The following COL14A1 variants were observed in gnomAD, a reference collection of about 807,000 sequenced individuals.
COL14A1 encodes collagen type XIV alpha 1 chain, also known as collagen alpha-1(XIV) chain.
A neutral mutation model predicts 230.3 loss-of-function variants in COL14A1; 136 were observed. That is an observed-to-expected ratio of 0.59 (90% CI 0.51 to 0.68). COL14A1 has a LOEUF of 0.68. Ranked by LOEUF, COL14A1 falls within the 30% of genes least tolerant of loss-of-function variation. COL14A1 has a pLI of 0.00. For synonymous variants in COL14A1, 792 were observed against 784.1 expected (o/e 1.01, Z -0.17); for missense variants, 1,976 against 2,215.8 (o/e 0.89, Z 2.17).
In COL14A1 at chr8:120,279,479, A is replaced by G. The variant is rs186926091; in HGVS notation, c.3482-456A>G. Among the ~76,000 whole-genome samples, 132 of 150,766 alleles carry G rather than the reference A, an allele frequency of 8.8e-4. 1 individual carries two copies. Among genetic ancestry groups the G allele is most frequent in the Admixed American group, 1.5e-3 (22 of 15,016 alleles). On this transcript the variant is annotated intron_variant, in intron 28 of 47. Transcript: ENST00000297848. Reference sequence around the variant, plus strand: ...ATAAGTTATGGCAAATAGTAGTTCTATTTACTTGCCAAGCATTGAATGGTG... The same window carrying G: ...ATAAGTTATGGCAAATAGTAGTTCTGTTTACTTGCCAAGCATTGAATGGTG...
At chr8:120,370,488 T>A in intron 47 of COL14A1, 1 of 1,509,094 alleles carries the variant, frequency 6.6e-7, no homozygotes, top group Non-Finnish European at 8.8e-7. Flanking sequence ...TCTGCTTCCC[T>A]GCTTCTTCTG....
chr8:120,152,829 G>A (rs1037389236), intron 2 of COL14A1, among the ~76,000 whole-genome samples: 1 of 152,172 alleles, frequency 6.6e-6, no homozygotes, highest in African/African-American at 2.4e-5. Flanking sequence ...GGTTACAGGA[G>A]GGAGCCACTG....
At chr8:120,316,050 G>T (rs1821218034) in intron 40 of COL14A1, 53 bp downstream of exon 40, 4 of 1,581,564 alleles carry the variant, frequency 2.5e-6, no homozygotes, top group African/African-American at 2.7e-5. Flanking sequence ...TTTTCACCAG[G>T]TCACTCTTAT....
chr8:120,326,634 G>A (rs1459892803), intron 40 of COL14A1, among the ~76,000 whole-genome samples: 1 of 152,130 alleles, frequency 6.6e-6, no homozygotes, highest in African/African-American at 2.4e-5. Context: ...TTTTTGAAAT[G>A]GTGTTAAGGC....
At chr8:120,326,043 T>A (rs1450667171) in intron 40 of COL14A1, among the ~76,000 whole-genome samples, 1 of 152,210 alleles carries the variant, frequency 6.6e-6, no homozygotes, top group Non-Finnish European at 1.5e-5. Flanking sequence ...TCACCAAGTT[T>A]ATTGCTTTCT....
intron 23 of COL14A1, among the ~76,000 whole-genome samples, chr8:120,258,332 C>T (rs1819221374): frequency 6.6e-6 from 1 of 152,196 alleles, no homozygotes; most frequent in African/African-American, 2.4e-5. Flanking sequence ...AAGAGAGCTT[C>T]TCTTTCTCAA....
At chr8:120,325,559 C>T (rs1821632640) in intron 40 of COL14A1, among the ~76,000 whole-genome samples, 1 of 152,178 alleles carries the variant, frequency 6.6e-6, no homozygotes, top group South Asian at 2.1e-4. Flanking sequence ...GTGGTGCGAT[C>T]TTGGCTCACT....
chr8:120,126,896 A>G (rs992164426), intron 1 of COL14A1, among the ~76,000 whole-genome samples: 6 of 152,176 alleles, frequency 3.9e-5, no homozygotes, highest in African/African-American at 1.4e-4. Flanking sequence ...TATAAGGTAA[A>G]CTTCAGAATA....
intron 45 of COL14A1, among the ~76,000 whole-genome samples, chr8:120,358,660 A>C (rs1339519610): frequency 2.0e-5 from 3 of 151,502 alleles, no homozygotes; most frequent in Non-Finnish European, 1.5e-5. Flanking sequence ...TAGATAATAA[A>C]AGAGAGAGAG....
intron 40 of COL14A1, among the ~76,000 whole-genome samples, chr8:120,323,484 C>A (rs1466593605): frequency 6.6e-6 from 1 of 152,122 alleles, no homozygotes; most frequent in East Asian, 1.9e-4. Context: ...GTCATGAAAT[C>A]TTTGCCCGCT....
At chr8:120,141,690 A>C (rs1271696199) in intron 1 of COL14A1, among the ~76,000 whole-genome samples, 2 of 152,240 alleles carry the variant, frequency 1.3e-5, no homozygotes, top group Non-Finnish European at 2.9e-5. Flanking sequence ...AAAGTACATG[A>C]GATGCAGATT....
intron 5 of COL14A1, among the ~76,000 whole-genome samples, chr8:120,177,208 A>G (rs1413890068): frequency 5.3e-5 from 8 of 152,244 alleles, no homozygotes; most frequent in Admixed American, 5.2e-4. Flanking sequence ...CATTTGAGCC[A>G]AGGCCTGATG....
chr8:120,303,866 C>G (rs1278358555), intron 36 of COL14A1, among the ~76,000 whole-genome samples: 1 of 151,942 alleles, frequency 6.6e-6, no homozygotes, highest in African/African-American at 2.4e-5. Context: ...TCCATCTGGC[C>G]CTGGGCTTTT....
At chr8:120,186,667 G>C (rs1013466964) in intron 5 of COL14A1, among the ~76,000 whole-genome samples, 1 of 152,130 alleles carries the variant, frequency 6.6e-6, no homozygotes, top group Non-Finnish European at 1.5e-5. Context: ...TTCCCAGTGC[G>C]GTAGTGTGGC....
At chr8:120,272,480 A>G (rs1819698168) in intron 26 of COL14A1, among the ~76,000 whole-genome samples, 1 of 151,676 alleles carries the variant, frequency 6.6e-6, no homozygotes, top group Admixed American at 6.6e-5. Flanking sequence ...TAAGTGCTCC[A>G]CTTAAAAGAT....
intron 43 of COL14A1, 41 bp downstream of exon 43, chr8:120,341,401 G>A: frequency 6.2e-7 from 1 of 1,608,106 alleles, no homozygotes; most frequent in Non-Finnish European, 8.5e-7. Flanking sequence ...CCAGCTTGTT[G>A]CACCCCTTCC....
At chr8:120,218,381 C>A (rs1817831534) in intron 14 of COL14A1, among the ~76,000 whole-genome samples, 1 of 150,440 alleles carries the variant, frequency 6.6e-6, no homozygotes, top group Non-Finnish European at 1.5e-5. Flanking sequence ...ATGATCTCAG[C>A]TCACTGCAAA....
chr8:120,178,882 A>G lies in COL14A1; in HGVS notation c.436+10635A>G, dbSNP rs186954049. ...TGCCTGCATAAATATATTCTTTTCA[A>G]AAGTGTCTGTTTATATCCTTCTCCC... On this transcript the variant is annotated intron_variant, in intron 5 of 47. Transcript: ENST00000297848. Among the ~76,000 whole-genome samples the G allele has an allele frequency of 1.4e-3, 205 of 151,750 alleles. 5 individuals are homozygous for G. Among genetic ancestry groups the G allele is most frequent in the South Asian group, 9.4e-3 (45 of 4,806 alleles).
At chr8:120,205,077 G>A (rs1412631994) in intron 9 of COL14A1, among the ~76,000 whole-genome samples, 1 of 148,270 alleles carries the variant, frequency 6.7e-6, no homozygotes, top group Non-Finnish European at 1.5e-5. Context: ...GCCTTTGCTG[G>A]CATGGGTAAA....
Sources: allele counts gnomAD v4.1 joint callset (sites outside exome capture counted in the v4.1 genomes callset), GRCh38; gene constraint gnomAD v4.1.1; transcripts MANE v1.5; gene names NCBI Gene and HGNC (gene_info 2026-07-23, HGNC 2026-07-21).